Variants in SV2C observed in about 807,000 individuals in gnomAD.
SV2C encodes the protein synaptic vesicle glycoprotein 2C.
SV2C carries 49 observed loss-of-function variants against 79.7 expected under a neutral mutation model. That is an observed-to-expected ratio of 0.61 (90% CI 0.49 to 0.78). The LOEUF is 0.78. Among genes scored for constraint, SV2C ranks in the 30% least tolerant of loss-of-function variants. SV2C has a pLI of 0.00. For synonymous variants in SV2C, 334 were observed against 333.2 expected (o/e 1.00, Z -0.03); for missense variants, 833 against 912.9 (o/e 0.91, Z 1.13).
chr5:76,300,912 T>G lies in SV2C; in HGVS notation c.1820T>G (p.Ile607Ser). Residue 607 changes from isoleucine (I) to serine (S), a missense_variant, in exon 11 of 13, where the codon ATT becomes AGT. Transcript: ENST00000502798. ...GTGTCTGCTCTGCTGATGGACAGAATTGGGCGCTTAACAATGCTAGGTATG... is the reference window on the plus strand; with the variant it reads ...GTGTCTGCTCTGCTGATGGACAGAAGTGGGCGCTTAACAATGCTAGGTATG... ...NIVSALLMDR[I>S]GRLTMLGGSM... The G allele has an allele frequency of 1.2e-6, 2 of 1,614,132 alleles. No homozygotes were observed. Among genetic ancestry groups the G allele is most frequent in the Admixed American group, 3.3e-5 (2 of 60,024 alleles).
chr5:75,884,847 G>A, the SV2C span, among the ~76,000 whole-genome samples: 1 of 151,966 alleles, frequency 6.6e-6, no homozygotes, highest in Non-Finnish European at 1.5e-5. Context: ...AAACCATATT[G>A]TACAGAACTT....
chr5:76,266,944 T>C (rs1455480398), intron 4 of SV2C, among the ~76,000 whole-genome samples: 1 of 152,236 alleles, frequency 6.6e-6, no homozygotes, highest in Non-Finnish European at 1.5e-5. Context: ...GAGCCTGCAC[T>C]GTCTACCTTT....
chr5:75,975,652 C>T, the SV2C span, among the ~76,000 whole-genome samples: 1 of 152,124 alleles, frequency 6.6e-6, no homozygotes, highest in African/African-American at 2.4e-5. Context: ...ACAGGAAGGA[C>T]ATTCTGGTTT....
the SV2C span, among the ~76,000 whole-genome samples, chr5:75,851,580 A>G: frequency 4.6e-5 from 7 of 152,030 alleles, no homozygotes; most frequent in Non-Finnish European, 1.0e-4. Context: ...AGTGATTACA[A>G]GAAAGAAAAG....
chr5:75,924,407 TA>T, the SV2C span, among the ~76,000 whole-genome samples: 2 of 152,014 alleles, frequency 1.3e-5, no homozygotes, highest in Non-Finnish European at 1.5e-5. Context: ...ACTATTGAAA[TA>T]AAAAAATATT....
intron 4 of SV2C, among the ~76,000 whole-genome samples, chr5:76,274,074 A>T (rs564983809): frequency 2.6e-5 from 4 of 152,332 alleles, no homozygotes; most frequent in African/African-American, 9.6e-5. Context: ...CAGTGTTTAG[A>T]TTTGTCACAA....
chr5:76,092,544 G>T (rs186884257), intron 1 of SV2C, among the ~76,000 whole-genome samples: 8 of 152,244 alleles, frequency 5.3e-5, no homozygotes. Context: ...TGCTGACTTA[G>T]GTCACTAGAG....
At chr5:75,999,067 T>C in the SV2C span, among the ~76,000 whole-genome samples, 1 of 151,844 alleles carries the variant, frequency 6.6e-6, no homozygotes, top group Non-Finnish European at 1.5e-5. Flanking sequence ...GGCAAAAAAT[T>C]AGAGAACGTG....
the SV2C span, among the ~76,000 whole-genome samples, chr5:76,060,183 A>G: frequency 2.6e-5 from 4 of 152,140 alleles, no homozygotes; most frequent in Non-Finnish European, 5.9e-5. Context: ...TGAGTAGTTA[A>G]TGAACATTGG....
chr5:76,295,946 T>C lies in SV2C; in HGVS notation c.1502+4T>C, dbSNP rs374147956. 1.3e-5 allele frequency: 20 copies of C among 1,563,806 alleles called. No individual in the cohort carries two copies. Among genetic ancestry groups the C allele is most frequent in the Non-Finnish European group, 1.6e-5 (19 of 1,155,760 alleles). The stretch of plus-strand genomic sequence containing the variant: ...GAATGGAATACGACAATGGCAGGTC[T>C]AGAAACTTGAAATAATTTAATTTGC... On this transcript the variant is annotated splice_donor_region_variant and intron_variant, in intron 9 of 12. Transcript: ENST00000502798.
At chr5:76,085,761 CAGAG>C in intron 1 of SV2C, among the ~76,000 whole-genome samples, 1 of 151,466 alleles carries the variant, frequency 6.6e-6, no homozygotes, top group South Asian at 2.1e-4. Context: ...GAGATAATCT[CAGAG>C]AGCTTTGGCT....
intron 11 of SV2C, 41 bp downstream of exon 11, chr5:76,300,973 G>A: frequency 1.2e-6 from 2 of 1,605,150 alleles, no homozygotes; most frequent in Non-Finnish European, 1.7e-6. Context: ...AGCTGCCCCT[G>A]CAATCCAGAG....
At chr5:76,183,958 C>T (rs994981381) in intron 2 of SV2C, among the ~76,000 whole-genome samples, 6 of 152,178 alleles carry the variant, frequency 3.9e-5, no homozygotes, top group African/African-American at 1.4e-4. Flanking sequence ...TTAATTATAG[C>T]ACGTGTTTCA....
chr5:76,014,822 G>A, the SV2C span, among the ~76,000 whole-genome samples: 8 of 152,236 alleles, frequency 5.3e-5, no homozygotes, highest in Admixed American at 2.0e-4. Context: ...CAATGTCTAC[G>A]TTTACGACAG....
the SV2C span, among the ~76,000 whole-genome samples, chr5:75,866,621 A>G: frequency 6.6e-6 from 1 of 152,238 alleles, no homozygotes. Flanking sequence ...ACACCTAAGA[A>G]TCCAGTATGA....
the SV2C span, among the ~76,000 whole-genome samples, chr5:75,940,607 C>A: frequency 6.6e-6 from 1 of 152,146 alleles, no homozygotes; most frequent in African/African-American, 2.4e-5. Flanking sequence ...ACTTGATTTA[C>A]TTCTTAATGG....
the SV2C span, among the ~76,000 whole-genome samples, chr5:76,044,802 A>G: frequency 6.6e-6 from 1 of 151,992 alleles, no homozygotes; most frequent in African/African-American, 2.4e-5. Context: ...TTCCTTGTAG[A>G]TTCTGGCTAT....
At chr5:76,171,921 G>A (rs1448040228) in intron 2 of SV2C, among the ~76,000 whole-genome samples, 20 of 109,310 alleles carry the variant, frequency 1.8e-4, no homozygotes, top group African/African-American at 5.5e-4. Context: ...CAGCCGCCCC[G>A]TCCGGGAGGG....
chr5:75,871,873 A>G, the SV2C span, among the ~76,000 whole-genome samples: 1 of 135,140 alleles, frequency 7.4e-6, no homozygotes, highest in Non-Finnish European at 1.5e-5. Context: ...ATATATTTTT[A>G]TTATTATTAT....
Sources: gnomAD v4.1 joint callset for allele counts (sites outside exome capture counted in the v4.1 genomes callset) on GRCh38, gnomAD v4.1.1 for gene constraint, MANE v1.5 for transcripts, NCBI Gene and HGNC (gene_info 2026-07-23, HGNC 2026-07-21) for gene names.